Variants in PTPRK observed in about 807,000 individuals in gnomAD.
PTPRK encodes the protein receptor-type tyrosine-protein phosphatase kappa.
PTPRK carries 75 observed loss-of-function variants against 178.0 expected under a neutral mutation model. The observed-to-expected ratio is 0.42, with a 90% CI of 0.35 to 0.51. PTPRK has a LOEUF of 0.51. Ranked by LOEUF, PTPRK falls within the 20% of genes least tolerant of loss-of-function variation. The probability of loss-of-function intolerance (pLI) is 0.02; values close to 1 mark genes in which losing one functional copy is unlikely to be tolerated. For missense variants in PTPRK, 1,441 were observed against 1,797.8 expected, an observed-to-expected ratio of 0.80 and a Z score of 3.59; for synonymous variants, 637 against 620.6, an observed-to-expected ratio of 1.03 and a Z score of -0.39.
At chr6:128,213,038 T>C (rs1175631598) in intron 6 of PTPRK, among the ~76,000 whole-genome samples, 2 of 152,058 alleles carry the variant, frequency 1.3e-5, no homozygotes, top group East Asian at 3.9e-4. Context: ...TTAAAAGCCA[T>C]AATTTTTCTA....
chr6:128,239,075 T>C (rs1006647915), intron 5 of PTPRK, among the ~76,000 whole-genome samples: 1 of 145,964 alleles, frequency 6.9e-6, no homozygotes, highest in African/African-American at 2.6e-5. Flanking sequence ...CTAAAGGATG[T>C]AGTAAAAAAA....
At chr6:128,354,231 G>GTTTTTTTTGTTTTTTT (rs1833613113) in intron 2 of PTPRK, among the ~76,000 whole-genome samples, 3 of 49,344 alleles carry the variant, frequency 6.1e-5, no homozygotes, top group African/African-American at 9.4e-5. Flanking sequence ...TTTTGTTTAT[G>GTTTTTTTTGTTTTTTT]TTTTTTTTTT....
chr6:128,012,281 C>T (rs1193260370), intron 13 of PTPRK, among the ~76,000 whole-genome samples: 1 of 151,126 alleles, frequency 6.6e-6, no homozygotes, highest in Non-Finnish European at 1.5e-5. Flanking sequence ...AAGTACTTGG[C>T]TTGCTATAAC....
intron 13 of PTPRK, among the ~76,000 whole-genome samples, chr6:128,059,357 T>C (rs1327488441): frequency 6.6e-6 from 1 of 152,140 alleles, no homozygotes; most frequent in East Asian, 1.9e-4. Flanking sequence ...TAATCTATCT[T>C]TCACCAGATA....
chr6:128,400,800 A>G (rs1267450673), intron 1 of PTPRK, among the ~76,000 whole-genome samples: 1 of 152,186 alleles, frequency 6.6e-6, no homozygotes, highest in Non-Finnish European at 1.5e-5. Context: ...AATCTATTTA[A>G]AAAGAGAAAT....
intron 1 of PTPRK, among the ~76,000 whole-genome samples, chr6:128,503,187 C>T (rs181952101): frequency 5.4e-4 from 83 of 152,320 alleles, no homozygotes; most frequent in African/African-American, 1.7e-3. Flanking sequence ...GATCGCGCCA[C>T]TGCACTCCAG....
At chr6:128,173,952 CA>C (rs1377136524) in intron 7 of PTPRK, among the ~76,000 whole-genome samples, 5 of 150,376 alleles carry the variant, frequency 3.3e-5, no homozygotes, top group African/African-American at 1.2e-4. Context: ...TATTCCCTTA[CA>C]TAAAATATTT....
intron 3 of PTPRK, among the ~76,000 whole-genome samples, chr6:128,279,714 T>G (rs1821368966): frequency 6.6e-6 from 1 of 152,172 alleles, no homozygotes; most frequent in Non-Finnish European, 1.5e-5. Flanking sequence ...GATTAAAATA[T>G]TATCTATTTT....
chr6:128,333,589 C>A (rs1830545836), intron 2 of PTPRK, among the ~76,000 whole-genome samples: 1 of 152,040 alleles, frequency 6.6e-6, no homozygotes, highest in Non-Finnish European at 1.5e-5. Context: ...AAGTCATTAT[C>A]TTTTTGCTAG....
At chr6:128,106,415 T>C (rs1789728922) in intron 7 of PTPRK, among the ~76,000 whole-genome samples, 1 of 152,036 alleles carries the variant, frequency 6.6e-6, no homozygotes, top group Non-Finnish European at 1.5e-5. Flanking sequence ...ATTTTCAAAA[T>C]GTCAAGCTAA....
chr6:128,022,303 G>GC (rs1773638383), intron 13 of PTPRK, among the ~76,000 whole-genome samples: 2 of 152,178 alleles, frequency 1.3e-5, no homozygotes, highest in Non-Finnish European at 2.9e-5. Flanking sequence ...AACACTGCGT[G>GC]TGTTGGTAGC....
chr6:128,244,013 A>G (rs553887660), intron 3 of PTPRK, among the ~76,000 whole-genome samples: 1 of 152,322 alleles, frequency 6.6e-6, no homozygotes, highest in African/African-American at 2.4e-5. Flanking sequence ...ATACTAAGGA[A>G]GCAGAGAAGG....
intron 1 of PTPRK, among the ~76,000 whole-genome samples, chr6:128,410,044 A>G (rs886503144): frequency 3.3e-5 from 5 of 152,178 alleles, no homozygotes; most frequent in African/African-American, 1.2e-4. Flanking sequence ...CCTCACCATT[A>G]TGATTAATTT....
chr6:128,353,651 T>A (rs1414584854), intron 2 of PTPRK, among the ~76,000 whole-genome samples: 2 of 152,186 alleles, frequency 1.3e-5, no homozygotes, highest in Non-Finnish European at 2.9e-5. Context: ...ACACACATAT[T>A]CCATTTATAC....
chr6:128,175,711 GT>G (rs1199793365), intron 7 of PTPRK, among the ~76,000 whole-genome samples: 5 of 151,750 alleles, frequency 3.3e-5, no homozygotes, highest in East Asian at 3.9e-4. Flanking sequence ...AAAATAATGA[GT>G]TTTTTTCTAA....
At chr6:128,269,485 C>T (rs1296111541) in intron 3 of PTPRK, among the ~76,000 whole-genome samples, 1 of 149,732 alleles carries the variant, frequency 6.7e-6, no homozygotes, top group Non-Finnish European at 1.5e-5. Context: ...AAGAGGGTGG[C>T]ATCTTAACTA....
chr6:128,464,638 C>CATATATAT (rs10665667), intron 1 of PTPRK, among the ~76,000 whole-genome samples: 3,816 of 47,944 alleles, frequency 0.08, 408 homozygotes, highest in African/African-American at 0.096. Flanking sequence ...TATATATACA[C>CATATATAT]ATATATATAT....
rs901855082 is a variant in PTPRK at position 128,253,326 on chromosome 6, T to C, written c.496-10724A>G. Among the ~76,000 whole-genome samples the C allele has an allele frequency of 2.0e-5, 3 of 152,216 alleles. No individual in the cohort carries two copies. The South Asian group carries it at 6.2e-4, about 32-fold the overall frequency. Reference sequence around the variant, plus strand: ...CATTTTTCATCCTATGGATCTGTCCTTAGATACATAAGCAAGCAACCTACA... The same window carrying C: ...CATTTTTCATCCTATGGATCTGTCCCTAGATACATAAGCAAGCAACCTACA... On this transcript the variant is annotated intron_variant, in intron 3 of 29. Coordinates refer to ENST00000368226, the MANE Select transcript of PTPRK (RefSeq NM_002844.4).
At chr6:128,080,212 C>T (rs1052090133) in intron 10 of PTPRK, among the ~76,000 whole-genome samples, 9 of 151,972 alleles carry the variant, frequency 5.9e-5, no homozygotes, top group Admixed American at 4.6e-4. Flanking sequence ...GGGCATGGTA[C>T]GTTTTAACAG....
Sources: gnomAD v4.1 joint callset for allele counts (sites outside exome capture counted in the v4.1 genomes callset) on GRCh38, gnomAD v4.1.1 for gene constraint, MANE v1.5 for transcripts, NCBI Gene and HGNC (gene_info 2026-07-23, HGNC 2026-07-21) for gene names.